The following PLEKHG3 variants were observed in gnomAD, a reference collection of about 807,000 sequenced individuals.
The protein encoded by PLEKHG3 is pleckstrin homology and RhoGEF domain containing G3.
PLEKHG3 carries 62 observed loss-of-function variants against 94.9 expected under a neutral mutation model. The observed-to-expected ratio is 0.65, with a 90% CI of 0.53 to 0.81. The LOEUF is 0.81. Ranked by LOEUF, PLEKHG3 falls within the 30% of genes least tolerant of loss-of-function variation. The probability of loss-of-function intolerance (pLI) is 0.00; values close to 1 mark genes in which losing one functional copy is unlikely to be tolerated. For missense variants in PLEKHG3, 1,461 were observed against 1,619.3 expected (o/e 0.90, Z 1.68); for synonymous variants, 614 against 654.0 (o/e 0.94, Z 0.93).
rs950886300 is a variant in PLEKHG3, at chr14:64,746,195, G to A, written c.*2492G>A. 6.6e-6 allele frequency: 1 copy of A among 152,204 alleles called. No individual in the cohort carries two copies. The highest frequency in any genetic ancestry group is 2.4e-5 in the African/African-American group (1 of 41,450). The allele number at this position is 152,204 out of a possible 1,614,324, so 9.4% of individuals were successfully genotyped here. On this transcript the variant is annotated 3_prime_UTR_variant, in exon 17 of 17. Coordinates refer to ENST00000247226, the MANE Select transcript of PLEKHG3 (RefSeq NM_001308147.2). This position sits in a 1 kb window ranked among gnomAD's most constrained non-coding sequence, Gnocchi z 4.9. Reference sequence around the variant, plus strand: ...CTCCCAGGGACAAGCTAGAGAATCTGGCTGTCCCTCTGTCTCCATGGTGCC... The same window carrying A: ...CTCCCAGGGACAAGCTAGAGAATCTAGCTGTCCCTCTGTCTCCATGGTGCC...
chr14:64,730,443 A>G lies in PLEKHG3; in HGVS notation c.519+131A>G, dbSNP rs2081436481. The G allele has an allele frequency of 7.9e-6, 6 of 757,244 alleles. No homozygotes were observed. The Admixed American group carries it at 1.3e-4, about 16-fold the overall frequency. The allele number at this position is 757,244 out of a possible 1,614,324, so 46.9% of individuals were successfully genotyped here. ...GGAAAGTCCTGGGTGCTCTATCTTGAATGAGAAGGGTGTTCTGAGGGGAGC... is the reference window on the plus strand; with the variant it reads ...GGAAAGTCCTGGGTGCTCTATCTTGGATGAGAAGGGTGTTCTGAGGGGAGC... On this transcript the variant is annotated intron_variant, in intron 4 of 16. Coordinates refer to ENST00000247226, the MANE Select transcript of PLEKHG3 (RefSeq NM_001308147.2). This position sits in a 1 kb window ranked among gnomAD's most constrained non-coding sequence, Gnocchi z 5.4.
At position 64,732,896 on chromosome 14, in the gene PLEKHG3, A is replaced by C. The variant is rs1365290340; in HGVS notation, c.1340A>C (p.Gln447Pro). ...ACCAATGTGCGCCAGGGGCGCCGGCAATCTGGTAAGAGAAGGGCTGTGGAG... is the reference window on the plus strand; with the variant it reads ...ACCAATGTGCGCCAGGGGCGCCGGCCATCTGGTAAGAGAAGGGCTGTGGAG... Reference protein sequence around the residue: ...VSTNVRQGRRQSEPTKHLLRQ... With the variant: ...VSTNVRQGRRPSEPTKHLLRQ... The change falls in exon 12 of 17, where the codon CAA (glutamine) becomes CCA (proline). Residue 447 changes from glutamine to proline, a missense_variant. Transcript: ENST00000247226. This position sits in a 1 kb window ranked among gnomAD's most constrained non-coding sequence, Gnocchi z 4.9. The C allele has an allele frequency of 1.3e-6, 2 of 1,599,044 alleles. No homozygotes were observed. Among genetic ancestry groups the C allele is most frequent in the Non-Finnish European group, 1.7e-6 (2 of 1,171,296 alleles).
In PLEKHG3 at chr14:64,731,187, C is replaced by A; in HGVS notation, c.849+18C>A. On this transcript the variant is annotated intron_variant, in intron 7 of 16. Transcript: ENST00000247226. The surrounding 1 kb of genome is among the most constrained non-coding windows in gnomAD (Gnocchi z 6.1). ...GGCTCCAGGTGCTCTGGGGCTGGGA[C>A]GCTGGGGGAGGGGCAGGGCTGGGTG... The A allele has an allele frequency of 8.4e-7, 1 of 1,192,586 alleles. No individual in the cohort carries two copies. The highest frequency in any genetic ancestry group is 1.2e-6 in the Non-Finnish European group (1 of 832,372). 73.9% of individuals were successfully genotyped at this position (1,192,586 alleles called of 1,614,324 possible).
chr14:64,715,032 G>T lies in PLEKHG3; in HGVS notation c.-40+10328G>T, dbSNP rs2139363972. The stretch of plus-strand genomic sequence containing the variant: ...ACTCACTGAGACCCCGTGCAGGTTG[G>T]TACCCCCACTGCAAGAGTGTGTGGG... On this transcript the variant is annotated intron_variant, in intron 1 of 16. Coordinates refer to ENST00000247226, the MANE Select transcript of PLEKHG3 (RefSeq NM_001308147.2). This position sits in a 1 kb window ranked among gnomAD's most constrained non-coding sequence, Gnocchi z 4.4. 6.6e-6 allele frequency among the ~76,000 whole-genome samples: 1 copy of T among 152,286 alleles called. No homozygotes were observed. The highest frequency in any genetic ancestry group is 1.5e-5 in the Non-Finnish European group (1 of 68,022).
Position 64,721,337 on chromosome 14 carries a change from G to C in PLEKHG3, c.-39-6256G>C, listed in dbSNP as rs1043334770. ...GCCCTCCCTCTGAGCTAGGTGCCTG[G>C]CTTTCCTTTCCTTCCAAGGTCAGGC... is the stretch of plus-strand genomic sequence containing the variant. On this transcript the variant is annotated intron_variant, in intron 1 of 16. Coordinates refer to ENST00000247226, the MANE Select transcript of PLEKHG3 (RefSeq NM_001308147.2). This position sits in a 1 kb window ranked among gnomAD's most constrained non-coding sequence, Gnocchi z 4.3. 5.9e-5 allele frequency among the ~76,000 whole-genome samples: 9 copies of C among 152,154 alleles called. No individual in the cohort carries two copies. Among genetic ancestry groups the C allele is most frequent in the South Asian group, 2.1e-4 (1 of 4,832 alleles).
rs1402406647 is a variant in PLEKHG3, at chr14:64,717,096, C to T, written c.-39-10497C>T. 1.3e-5 allele frequency among the ~76,000 whole-genome samples: 2 copies of T among 149,032 alleles called. No individual in the cohort carries two copies. Among genetic ancestry groups the T allele is most frequent in the African/African-American group, 5.0e-5 (2 of 39,848 alleles). On this transcript the variant is annotated intron_variant, in intron 1 of 16. Coordinates refer to ENST00000247226, the MANE Select transcript of PLEKHG3 (RefSeq NM_001308147.2). The surrounding 1 kb of genome is among the most constrained non-coding windows in gnomAD (Gnocchi z 4.7). ...GCCCTGCTGGCTGAAGGGCTGGCCG[C>T]CTTTGGGAATTTACACGTGTGTGTG...
intron 3 of PLEKHG3, among the ~76,000 whole-genome samples, chr14:64,729,649 C>T (rs1251270260): frequency 1.3e-5 from 2 of 152,106 alleles, no homozygotes; most frequent in African/African-American, 4.8e-5. Context: ...CTTGAGGGAA[C>T]AGCGGTGCTA....
rs927549363 is a variant in PLEKHG3 at position 64,715,283 on chromosome 14, C to T, written c.-40+10579C>T. On this transcript the variant is annotated intron_variant, in intron 1 of 16. Transcript: ENST00000247226. The surrounding 1 kb of genome is among the most constrained non-coding windows in gnomAD (Gnocchi z 4.4). The stretch of plus-strand genomic sequence containing the variant: ...GGGTGAGAGATGGCCTTCTTGGCTT[C>T]GTCTCTCGGGCCATGTGGGAGGTTG... Among the ~76,000 whole-genome samples, 20 of 152,220 alleles carry T rather than the reference C, an allele frequency of 1.3e-4. No homozygotes were observed. Among genetic ancestry groups the T allele is most frequent in the African/African-American group, 4.6e-4 (19 of 41,514 alleles).
Position 64,741,528 on chromosome 14 carries a change from A to AGCTCTCC in PLEKHG3, c.2011_2012insGCTCTCC (p.Ile671SerfsTer30). 6.2e-7 allele frequency: 1 copy of AGCTCTCC among 1,612,936 alleles called. No individual in the cohort carries two copies. Among genetic ancestry groups the AGCTCTCC allele is most frequent in the Non-Finnish European group, 8.5e-7 (1 of 1,180,000 alleles). The stretch of plus-strand genomic sequence containing the variant: ...CTGTCAGCTCTCCCCAGAAGTGGAC[A>AGCTCTCC]TCAGTGTGGGGGTGGCCACAGAGGA... On this transcript the variant is annotated frameshift_variant, in exon 16 of 17. Coordinates refer to ENST00000247226, the MANE Select transcript of PLEKHG3 (RefSeq NM_001308147.2). LOFTEE classifies it high-confidence loss of function.
At chr14:64,735,091 A>G (rs2081545510) in intron 12 of PLEKHG3, among the ~76,000 whole-genome samples, 1 of 152,146 alleles carries the variant, frequency 6.6e-6, no homozygotes, top group Admixed American at 6.6e-5. Context: ...GGTGCTGGCC[A>G]CCGTTGAACC....
Position 64,730,893 on chromosome 14 carries a change from G to T in PLEKHG3, c.661G>T (p.Gly221Cys), listed in dbSNP as rs1202671015. The change falls in exon 6 of 17, where the codon GGC becomes TGC. Residue 221 changes from glycine (G) to cysteine (C), a missense_variant. Physicochemically the swap from Gly to Cys is radical, Grantham distance 159. Transcript: ENST00000247226. The surrounding 1 kb of genome is among the most constrained non-coding windows in gnomAD (Gnocchi z 5.4). Reference protein sequence around the residue: ...QELLQHSLPLGSYLLKPVQRI... With the variant: ...QELLQHSLPLCSYLLKPVQRI... ...GCTGCTACAGCACTCGCTGCCCTTGGGCTCCTACCTGCTGAAGCCAGTCCA... is the reference window on the plus strand; with the variant it reads ...GCTGCTACAGCACTCGCTGCCCTTGTGCTCCTACCTGCTGAAGCCAGTCCA... 4 of 1,613,032 alleles carry T rather than the reference G, an allele frequency of 2.5e-6. No individual in the cohort carries two copies. The highest frequency in any genetic ancestry group is 3.4e-6 in the Non-Finnish European group (4 of 1,180,008).
chr14:64,750,218 A>G lies in PLEKHG3; in HGVS notation c.*6515A>G. 1 of 1,533,806 alleles carries G rather than the reference A, an allele frequency of 6.5e-7. No homozygotes were observed. Among genetic ancestry groups the G allele is most frequent in the Non-Finnish European group, 8.9e-7 (1 of 1,129,638 alleles). ...TATGGTATCTCTAGAGTCAATTCCTATAGCTTCACCATTAAAAAAAATTAC... is the reference window on the plus strand; with the variant it reads ...TATGGTATCTCTAGAGTCAATTCCTGTAGCTTCACCATTAAAAAAAATTAC... On this transcript the variant is annotated 3_prime_UTR_variant, in exon 17 of 17. Transcript: ENST00000247226.
chr14:64,740,207 G>A (rs2081659476), intron 15 of PLEKHG3, among the ~76,000 whole-genome samples: 1 of 152,208 alleles, frequency 6.6e-6, no homozygotes, highest in Non-Finnish European at 1.5e-5. Flanking sequence ...ATGTTGAACA[G>A]TGCAAGTCTA....
rs1475760130 is a variant in PLEKHG3, at chr14:64,704,875, C to T, written c.-40+171C>T. Among the ~76,000 whole-genome samples the T allele has an allele frequency of 1.3e-5, 2 of 152,244 alleles. No individual in the cohort carries two copies. Among genetic ancestry groups the T allele is most frequent in the East Asian group, 3.9e-4 (2 of 5,186 alleles). Reference sequence around the variant, plus strand: ...GGCCTGGAACTGTGTTGGCTGCTTCCCGGGCCACCCTGCCGCAGAGTGCGC... The same window carrying T: ...GGCCTGGAACTGTGTTGGCTGCTTCTCGGGCCACCCTGCCGCAGAGTGCGC... On this transcript the variant is annotated intron_variant, in intron 1 of 16. Coordinates refer to ENST00000247226, the MANE Select transcript of PLEKHG3 (RefSeq NM_001308147.2). The surrounding 1 kb of genome is among the most constrained non-coding windows in gnomAD (Gnocchi z 5.6).
chr14:64,734,278 C>T (rs894893353), intron 12 of PLEKHG3, among the ~76,000 whole-genome samples: 8 of 152,086 alleles, frequency 5.3e-5, no homozygotes, highest in African/African-American at 1.9e-4. Context: ...TCTTTCTTTT[C>T]TCTTCTCTTC....
chr14:64,705,782 A>G (rs2080962211), intron 1 of PLEKHG3, among the ~76,000 whole-genome samples: 2 of 152,256 alleles, frequency 1.3e-5, no homozygotes. Context: ...TTGTTGGACA[A>G]GGATGGGATC....
intron 14 of PLEKHG3, among the ~76,000 whole-genome samples, 195 bp downstream of exon 14, chr14:64,737,570 C>T (rs1305639263): frequency 5.3e-5 from 8 of 152,264 alleles, no homozygotes; most frequent in Non-Finnish European, 1.0e-4. Context: ...GGCCCTTCTG[C>T]ACCCTCTGCC....
At position 64,750,045 on chromosome 14, in the gene PLEKHG3, G is replaced by C. The variant is rs746217112; in HGVS notation, c.*6342G>C. On this transcript the variant is annotated 3_prime_UTR_variant, in exon 17 of 17. Transcript: ENST00000247226. ...GCAATCTCACAGATGGCATGTCTCA[G>C]GGCCAGGGGTTCCTCCCCATGGTAG... The C allele has an allele frequency of 6.2e-7, 1 of 1,614,058 alleles. No homozygotes were observed. Among genetic ancestry groups the C allele is most frequent in the African/African-American group, 1.3e-5 (1 of 74,922 alleles).
Position 64,725,026 on chromosome 14 carries a change from A to G in PLEKHG3, c.-39-2567A>G, listed in dbSNP as rs926790472. Among the ~76,000 whole-genome samples the G allele has an allele frequency of 6.6e-6, 1 of 152,248 alleles. No homozygotes were observed. The highest frequency in any genetic ancestry group is 1.5e-5 in the Non-Finnish European group (1 of 68,050). ...CTTAGGAGATAGGAGCTTAGTTTGC[A>G]GACAGGTAGCCTATGATCAATCAGA... On this transcript the variant is annotated intron_variant, in intron 1 of 16. Transcript: ENST00000247226. This position sits in a 1 kb window ranked among gnomAD's most constrained non-coding sequence, Gnocchi z 5.0.
Sources: gnomAD v4.1 joint callset for allele counts (sites outside exome capture counted in the v4.1 genomes callset) on GRCh38, gnomAD v4.1.1 for gene constraint, Gnocchi (gnomAD v3.1) non-coding constraint, MANE v1.5 for transcripts, NCBI Gene and HGNC (gene_info 2026-07-23, HGNC 2026-07-21) for gene names.